The following PCBP3 variants were observed in gnomAD, a reference collection of about 807,000 sequenced individuals.
PCBP3 encodes poly(rC)-binding protein 3.
Under a neutral mutation model 52.7 loss-of-function variants are expected in PCBP3, and 25 were observed. That is an observed-to-expected ratio of 0.47 (90% CI 0.35 to 0.66). The LOEUF is 0.66. Ranked by LOEUF, PCBP3 falls within the 30% of genes least tolerant of loss-of-function variation. The pLI is 0.01. For missense variants in PCBP3, 391 were observed against 490.3 expected (o/e 0.80, Z 1.91); for synonymous variants, 162 against 183.0 (o/e 0.89, Z 0.93).
At chr21:45,647,432 ACTCAGTG>A (rs1296870151) in intron 1 of PCBP3, among the ~76,000 whole-genome samples, 1 of 152,136 alleles carries the variant, frequency 6.6e-6, no homozygotes, top group East Asian at 1.9e-4. Flanking sequence ...AGGGGGCCAT[ACTCAGTG>A]CTGCAGTTGG....
intron 5 of PCBP3, among the ~76,000 whole-genome samples, chr21:45,856,622 G>T (rs900443303): frequency 6.6e-5 from 10 of 151,640 alleles, no homozygotes; most frequent in Non-Finnish European, 1.3e-4. Context: ...CCGGTGACGT[G>T]CCTGCTCCTC....
intron 5 of PCBP3, among the ~76,000 whole-genome samples, chr21:45,874,634 G>A (rs1199068785): frequency 6.6e-6 from 1 of 151,658 alleles, no homozygotes; most frequent in African/African-American, 2.4e-5. Context: ...GCCTCCCGGA[G>A]TAGCTGGGAT....
intron 11 of PCBP3, 85 bp downstream of exon 11, chr21:45,911,115 C>T (rs751953034): frequency 6.7e-6 from 10 of 1,491,350 alleles, no homozygotes; most frequent in East Asian, 4.5e-5. Context: ...AAGCCCCGGT[C>T]GCCCCAAGGA....
At chr21:45,753,373 C>G (rs993124243) in intron 3 of PCBP3, among the ~76,000 whole-genome samples, 1 of 151,528 alleles carries the variant, frequency 6.6e-6, no homozygotes, top group African/African-American at 2.4e-5. Context: ...TGCTTTAAAG[C>G]AAATTTTGTC....
At chr21:45,891,300 A>G (rs887992625) in intron 5 of PCBP3, among the ~76,000 whole-genome samples, 10 of 152,242 alleles carry the variant, frequency 6.6e-5, no homozygotes, top group African/African-American at 2.4e-4. Flanking sequence ...ACTGTGCACA[A>G]ATGTCTAAAG....
intron 1 of PCBP3, among the ~76,000 whole-genome samples, chr21:45,667,098 C>CCTTCTTTCTTTCTTTCTTTCTTTCTTTCT (rs2080858243): frequency 7.4e-6 from 1 of 135,858 alleles, no homozygotes; most frequent in Non-Finnish European, 1.6e-5. Flanking sequence ...TTCTTTCTTT[C>CCTTCTTTCTTTCTTTCTTTCTTTCTTTCT]TTTCTTTCTT....
At chr21:45,814,506 G>A (rs2092780582) in intron 4 of PCBP3, among the ~76,000 whole-genome samples, 1 of 114,628 alleles carries the variant, frequency 8.7e-6, no homozygotes, top group Admixed American at 8.0e-5. Context: ...AGTGGTGAGT[G>A]GTGAGTGATG....
rs974712135 is a variant in PCBP3, at chr21:45,678,198, C to T, written c.-200+9246C>T. On this transcript the variant is annotated intron_variant, in intron 2 of 17. Coordinates refer to ENST00000681687, the MANE Select transcript of PCBP3 (RefSeq NM_001384156.1). Reference sequence around the variant, plus strand: ...CTACTAAAAATACAAAAAAATTACTCGGGAGGCTGAGGCAGGAGAATGGCA... The same window carrying T: ...CTACTAAAAATACAAAAAAATTACTTGGGAGGCTGAGGCAGGAGAATGGCA... Among the ~76,000 whole-genome samples, 10 of 151,448 alleles carry T rather than the reference C, an allele frequency of 6.6e-5. No homozygotes were observed. The East Asian group carries it at 9.7e-4, about 15-fold the overall frequency.
chr21:45,729,008 A>C (rs1002578279), intron 2 of PCBP3, among the ~76,000 whole-genome samples: 2 of 152,132 alleles, frequency 1.3e-5, no homozygotes, highest in Non-Finnish European at 2.9e-5. Flanking sequence ...CAGTTTCAAG[A>C]CTTTTTCAAA....
chr21:45,665,307 C>T (rs1178983336), intron 1 of PCBP3, among the ~76,000 whole-genome samples: 2 of 151,950 alleles, frequency 1.3e-5, no homozygotes, highest in Admixed American at 6.6e-5. Flanking sequence ...CCTTGGGGGG[C>T]TGAGGTGGGA....
At chr21:45,678,931 T>G (rs2081641254) in intron 2 of PCBP3, among the ~76,000 whole-genome samples, 1 of 152,080 alleles carries the variant, frequency 6.6e-6, no homozygotes, top group Non-Finnish European at 1.5e-5. Context: ...TGTGGCAAAC[T>G]TTAGTGTTGT....
At chr21:45,815,122 G>A (rs1280678030) in intron 4 of PCBP3, among the ~76,000 whole-genome samples, 5 of 92,828 alleles carry the variant, frequency 5.4e-5, no homozygotes, top group Admixed American at 9.7e-5. Flanking sequence ...TGAGTGAGTG[G>A]TGAGTGGTGA....
At chr21:45,781,214 C>T (rs1303041941) in intron 4 of PCBP3, among the ~76,000 whole-genome samples, 2 of 152,158 alleles carry the variant, frequency 1.3e-5, no homozygotes, top group Admixed American at 1.3e-4. Flanking sequence ...ACTACATTCT[C>T]TTACATGGGT....
chr21:45,680,614 T>A (rs1211270681), intron 2 of PCBP3, among the ~76,000 whole-genome samples: 3 of 152,216 alleles, frequency 2.0e-5, no homozygotes, highest in African/African-American at 7.2e-5. Flanking sequence ...TTCCTTGGGA[T>A]TTTTTTAGAT....
At chr21:45,930,424 C>T (rs998271971) in intron 14 of PCBP3, among the ~76,000 whole-genome samples, 3 of 152,198 alleles carry the variant, frequency 2.0e-5, no homozygotes, top group Non-Finnish European at 1.5e-5. Context: ...CACTGCGTAT[C>T]CCAAGGTGGC....
chr21:45,846,879 A>G (rs767481122), intron 4 of PCBP3, among the ~76,000 whole-genome samples: 11 of 152,170 alleles, frequency 7.2e-5, no homozygotes, highest in Non-Finnish European at 1.3e-4. Context: ...AGCCTTTTCA[A>G]ATCACTTGGC....
At chr21:45,664,022 T>TG (rs1253938112) in intron 1 of PCBP3, among the ~76,000 whole-genome samples, 1 of 137,086 alleles carries the variant, frequency 7.3e-6, no homozygotes, top group African/African-American at 2.8e-5. Flanking sequence ...TTTTTTTTCT[T>TG]TTTTTTTTTT....
intron 5 of PCBP3, among the ~76,000 whole-genome samples, chr21:45,855,083 G>A (rs1419158793): frequency 2.0e-5 from 3 of 152,142 alleles, no homozygotes; most frequent in African/African-American, 7.2e-5. Flanking sequence ...AATGGCCAAG[G>A]GGGTCCGCAG....
At chr21:45,691,816 C>G (rs907595042) in intron 2 of PCBP3, among the ~76,000 whole-genome samples, 4 of 152,088 alleles carry the variant, frequency 2.6e-5, no homozygotes, top group Non-Finnish European at 5.9e-5. Flanking sequence ...TTTCTGCAGT[C>G]TCAAGGTACT....
Sources: gnomAD v4.1 joint callset for allele counts (sites outside exome capture counted in the v4.1 genomes callset) on GRCh38, gnomAD v4.1.1 for gene constraint, MANE v1.5 for transcripts, NCBI Gene and HGNC (gene_info 2026-07-23, HGNC 2026-07-21) for gene names.